Variants in EML1 observed in about 807,000 individuals in gnomAD.
EML1 encodes the protein EMAP like 1.
EML1 carries 27 observed loss-of-function variants against 110.4 expected under a neutral mutation model. The observed-to-expected ratio is 0.24, with a 90% CI of 0.18 to 0.34. EML1 has a LOEUF of 0.34. Ranked by LOEUF, EML1 falls within the 10% of genes least tolerant of loss-of-function variation. The pLI, the probability that EML1 is intolerant of heterozygous loss-of-function variation, is 1.00. For missense variants in EML1, 741 were observed against 1,030.9 expected (o/e 0.72, Z 3.85); for synonymous variants, 344 against 385.8 (o/e 0.89, Z 1.27).
At chr14:99,890,712 G>T (rs1191101) in intron 4 of EML1, among the ~76,000 whole-genome samples, 2 of 152,258 alleles carry the variant, frequency 1.3e-5, no homozygotes, top group African/African-American at 4.8e-5. Flanking sequence ...GGTGTTCCCC[G>T]CTTCTCTTTC....
At chr14:99,915,492 A>C (rs566292182) in intron 15 of EML1, 1 of 152,010 alleles carries the variant, frequency 6.6e-6, no homozygotes, top group Non-Finnish European at 1.5e-5. Flanking sequence ...GAGTGTTGAA[A>C]TGCCCTTTCC....
chr14:99,852,250 T>A (rs758596486), intron 2 of EML1, among the ~76,000 whole-genome samples: 14 of 152,212 alleles, frequency 9.2e-5, no homozygotes, highest in Non-Finnish European at 2.9e-5. Context: ...AAAAGAGAAT[T>A]CGTCTTGGCT....
chr14:99,914,829 C>G (rs1376453335), intron 15 of EML1, 132 bp downstream of exon 15: 3 of 1,222,568 alleles, frequency 2.5e-6, no homozygotes, highest in Admixed American at 3.1e-5. Flanking sequence ...TTTAGAGTTG[C>G]CTTAACATTG....
intron 1 of EML1, among the ~76,000 whole-genome samples, chr14:99,787,496 C>T (rs1198596356): frequency 6.6e-6 from 1 of 152,064 alleles, no homozygotes; most frequent in African/African-American, 2.4e-5. Flanking sequence ...CCAGGCTGGT[C>T]TCGAACCCCT....
intron 4 of EML1, among the ~76,000 whole-genome samples, chr14:99,882,755 A>C (rs1370513126): frequency 6.6e-6 from 1 of 151,192 alleles, no homozygotes; most frequent in Non-Finnish European, 1.5e-5. Flanking sequence ...CCTGGGCCGC[A>C]TGTGGCCTGT....
chr14:99,889,413 C>T (rs2059547082), intron 4 of EML1, among the ~76,000 whole-genome samples: 1 of 152,144 alleles, frequency 6.6e-6, no homozygotes, highest in Non-Finnish European at 1.5e-5. Context: ...TGTCCAAGGC[C>T]CTGGGAATAT....
At chr14:99,772,186 C>T (rs187030919), upstream of EML1, among the ~76,000 whole-genome samples, 8 of 152,310 alleles carry the variant, frequency 5.3e-5, no homozygotes, top group African/African-American at 1.4e-4. Flanking sequence ...AGACAATTAA[C>T]TTGTTAGACT....
chr14:99,940,088 C>A lies in EML1; in HGVS notation c.2424C>A (p.Ser808Arg). 6.3e-7 allele frequency: 1 copy of A among 1,599,332 alleles called. No homozygotes were observed. ...TCTCCACGGGCGGGAAAGACACAAG[C>A]ATCATGCAGTGGCGCGTCATTTAGT... ...HLISTGGKDT[S>R]IMQWRVI The change falls in exon 22 of 22, where the codon AGC becomes AGA. Residue 808 changes from serine to arginine, a missense_variant. By Grantham distance (110) the Ser-to-Arg change is moderately radical (BLOSUM62 -1). Around this residue, in one of 4 missense-constraint regions of EML1, gnomAD observed 114 missense variants for 122.5 expected, o/e 0.93. Transcript: ENST00000262233.
At chr14:99,847,728 A>C (rs909430729) in intron 1 of EML1, among the ~76,000 whole-genome samples, 1 of 152,144 alleles carries the variant, frequency 6.6e-6, no homozygotes, top group Non-Finnish European at 1.5e-5. Flanking sequence ...TTTTTCTGAT[A>C]ATTGACCCTT....
At chr14:99,744,901 C>G (rs761370180) in intron 1 of EML1, among the ~76,000 whole-genome samples, 30 of 152,098 alleles carry the variant, frequency 2.0e-4, no homozygotes, top group Non-Finnish European at 3.8e-4. Context: ...ATCCACAGAT[C>G]CGAAAACTGA....
chr14:99,876,391 C>T (rs1326021467), intron 3 of EML1, among the ~76,000 whole-genome samples: 1 of 152,224 alleles, frequency 6.6e-6, no homozygotes, highest in African/African-American at 2.4e-5. Context: ...AGACTCCCCA[C>T]TTCCCAGGGC....
At chr14:99,930,173 G>A (rs886744627) in intron 17 of EML1, among the ~76,000 whole-genome samples, 1 of 152,250 alleles carries the variant, frequency 6.6e-6, no homozygotes, top group African/African-American at 2.4e-5. Flanking sequence ...GATGTTAACT[G>A]TGCAGGGGTG....
chr14:99,866,084 T>C lies in EML1; in HGVS notation c.383+438T>C, dbSNP rs545636935. Among the ~76,000 whole-genome samples, 32 of 152,344 alleles carry C rather than the reference T, an allele frequency of 2.1e-4. 1 individual carries two copies. The South Asian group carries it at 6.6e-3, about 32-fold the overall frequency. ...CAATGGAGTCTAAATATTGATGTTA[T>C]CTGTCACAAAGAGCACAGTTTGCTC... On this transcript the variant is annotated intron_variant, in intron 3 of 21. Transcript: ENST00000262233.
At chr14:99,802,088 C>T (rs1014454786) in intron 1 of EML1, among the ~76,000 whole-genome samples, 10 of 152,082 alleles carry the variant, frequency 6.6e-5, no homozygotes, top group Non-Finnish European at 1.2e-4. Flanking sequence ...GAGAGGCATC[C>T]GTGAGAGCGT....
intron 1 of EML1, among the ~76,000 whole-genome samples, chr14:99,745,987 G>T (rs1485873999): frequency 6.6e-6 from 1 of 152,168 alleles, no homozygotes; most frequent in Non-Finnish European, 1.5e-5. Context: ...TGTCCTTAGG[G>T]TTAATAGACT....
rs779340798 is a variant in EML1, at chr14:99,936,322, G to A, written c.2083G>A (p.Glu695Lys). The change falls in exon 19 of 22, where the codon GAA becomes AAA. Residue 695 changes from glutamate (E) to lysine (K), a missense_variant. Coordinates refer to ENST00000262233, the MANE Select transcript of EML1 (RefSeq NM_004434.3). This position sits in a 1 kb window ranked among gnomAD's most constrained non-coding sequence, Gnocchi z 5.5. ...CCTCGTGTCAAATTCCGGAGACTAC[G>A]AAATCCTCTACTGTGAGTACCACCC... The part of the protein sequence containing the change: ...QFLVSNSGDY[E>K]ILYWVPSACK... 3.7e-6 allele frequency: 6 copies of A among 1,613,282 alleles called. No homozygotes were observed. The highest frequency in any genetic ancestry group is 1.7e-5 in the Admixed American group (1 of 60,010).
chr14:99,795,033 A>G (rs547980764), intron 1 of EML1, among the ~76,000 whole-genome samples: 25 of 152,356 alleles, frequency 1.6e-4, no homozygotes, highest in African/African-American at 5.8e-4. Context: ...CCCTATGCTT[A>G]GTTGGAAAGA....
rs932473376 is a variant in EML1, at chr14:99,781,079, C to T, written c.-27+7066C>T. ...ATCTCTCCTTCTTTCCAAGGACACGCGCCCCTGCCCCCAGAATACTGGTTG... is the reference window on the plus strand; with the variant it reads ...ATCTCTCCTTCTTTCCAAGGACACGTGCCCCTGCCCCCAGAATACTGGTTG... On this transcript the variant is annotated intron_variant, in intron 1 of 22. Transcript: ENST00000327921. The surrounding 1 kb of genome is among the most constrained non-coding windows in gnomAD (Gnocchi z 4.2). Among the ~76,000 whole-genome samples, 8 of 152,120 alleles carry T rather than the reference C, an allele frequency of 5.3e-5. No homozygotes were observed. The highest frequency in any genetic ancestry group is 7.2e-5 in the African/African-American group (3 of 41,396).
chr14:99,936,202 G>A lies in EML1; in HGVS notation c.2008-45G>A, dbSNP rs571470046. Reference sequence around the variant, plus strand: ...ACTACCGTGGAACAGTGTTGGCAGGGACTTCTAAGGCCAATGAAATGAAGA... The same window carrying A: ...ACTACCGTGGAACAGTGTTGGCAGGAACTTCTAAGGCCAATGAAATGAAGA... On this transcript the variant is annotated intron_variant, in intron 18 of 21. Coordinates refer to ENST00000262233, the MANE Select transcript of EML1 (RefSeq NM_004434.3). This position sits in a 1 kb window ranked among gnomAD's most constrained non-coding sequence, Gnocchi z 5.5. 4.3e-6 allele frequency: 7 copies of A among 1,612,630 alleles called. No homozygotes were observed. The highest frequency in any genetic ancestry group is 5.9e-6 in the Non-Finnish European group (7 of 1,178,668).
Sources: allele counts gnomAD v4.1 joint callset (sites outside exome capture counted in the v4.1 genomes callset), GRCh38; gene constraint gnomAD v4.1.1; regional missense constraint gnomAD v4.1.1; non-coding constraint Gnocchi (gnomAD v3.1); transcripts MANE v1.5; gene names NCBI Gene and HGNC (gene_info 2026-07-23, HGNC 2026-07-21).